The following LOC128092252 variants were observed in gnomAD, a reference collection of about 807,000 sequenced individuals.
the LOC128092252 span, among the ~76,000 whole-genome samples, chr15:50,659,602 T>C: frequency 1.3e-5 from 2 of 152,250 alleles, no homozygotes; most frequent in Non-Finnish European, 2.9e-5. Flanking sequence ...TGAGTGCTTT[T>C]ATTATTTCTA....
the LOC128092252 span, among the ~76,000 whole-genome samples, chr15:50,651,248 T>G: frequency 1.3e-5 from 2 of 151,858 alleles, no homozygotes; most frequent in African/African-American, 4.8e-5. Flanking sequence ...CAGAAAACTA[T>G]CAATAAAATA....
the LOC128092252 span, chr15:50,657,733 T>C: frequency 6.5e-7 from 1 of 1,540,610 alleles, no homozygotes; most frequent in African/African-American, 1.4e-5. Context: ...AATAGATTAG[T>C]TTTATTTATT....
chr15:50,661,596 C>A, the LOC128092252 span, among the ~76,000 whole-genome samples: 1 of 152,000 alleles, frequency 6.6e-6, no homozygotes, highest in Admixed American at 6.6e-5. Context: ...TGCTATTCAA[C>A]AAATATTTAC....
chr15:50,660,283 T>C, the LOC128092252 span, among the ~76,000 whole-genome samples: 13 of 152,056 alleles, frequency 8.5e-5, no homozygotes, highest in South Asian at 2.1e-4. Context: ...TATTAAAAAA[T>C]TGAGGGATAT....
At chr15:50,658,478 G>C in the LOC128092252 span, among the ~76,000 whole-genome samples, 16 of 151,768 alleles carry the variant, frequency 1.1e-4, no homozygotes, top group Non-Finnish European at 2.1e-4. Context: ...GCTGAGGTGG[G>C]AGGATTCCTT....
the LOC128092252 span, among the ~76,000 whole-genome samples, chr15:50,670,307 G>A: frequency 2.1e-3 from 312 of 152,176 alleles, 9 homozygotes; most frequent in East Asian, 0.038. Flanking sequence ...GTAAAATAAG[G>A]CTGAGACCTG....
At chr15:50,679,537 T>TTATATATATGTGTATATATATA in the LOC128092252 span, among the ~76,000 whole-genome samples, 4 of 31,556 alleles carry the variant, frequency 1.3e-4, no homozygotes, top group African/African-American at 3.8e-4. Flanking sequence ...TATATATATA[T>TTATATATATGTGTATATATATA]ATTTTTTTTT....
At chr15:50,674,722 C>T in the LOC128092252 span, among the ~76,000 whole-genome samples, 3 of 152,106 alleles carry the variant, frequency 2.0e-5, no homozygotes, top group East Asian at 5.8e-4. Context: ...TAACACAGGT[C>T]TAGTCTCTGA....
At chr15:50,649,631 A>G in the LOC128092252 span, among the ~76,000 whole-genome samples, 6 of 152,312 alleles carry the variant, frequency 3.9e-5, no homozygotes, top group South Asian at 1.2e-3. Context: ...ACTAATCTAT[A>G]TAGTGACAAA....
chr15:50,675,490 G>A, the LOC128092252 span, among the ~76,000 whole-genome samples: 1 of 151,818 alleles, frequency 6.6e-6, no homozygotes, highest in Admixed American at 6.6e-5. Flanking sequence ...CATCATTTAC[G>A]GCCTTCACTT....
At chr15:50,677,149 G>T in the LOC128092252 span, among the ~76,000 whole-genome samples, 1 of 152,174 alleles carries the variant, frequency 6.6e-6, no homozygotes, top group Non-Finnish European at 1.5e-5. Flanking sequence ...AGGAGGGCCA[G>T]TGTCTGATGA....
At chr15:50,655,260 C>G in the LOC128092252 span, among the ~76,000 whole-genome samples, 2 of 151,364 alleles carry the variant, frequency 1.3e-5, no homozygotes, top group East Asian at 3.9e-4. Context: ...AAGGTAAAAT[C>G]CCATCTCTAC....
At chr15:50,659,637 A>G in the LOC128092252 span, among the ~76,000 whole-genome samples, 2 of 151,972 alleles carry the variant, frequency 1.3e-5, no homozygotes, top group African/African-American at 4.8e-5. Flanking sequence ...TAATAAAACT[A>G]TAGAAAATAA....
the LOC128092252 span, among the ~76,000 whole-genome samples, chr15:50,675,436 G>A: frequency 6.6e-6 from 1 of 151,456 alleles, no homozygotes; most frequent in East Asian, 1.9e-4. Context: ...TTCTGTTTAT[G>A]TAACAGCCAA....
At chr15:50,658,937 G>T in the LOC128092252 span, among the ~76,000 whole-genome samples, 3 of 152,154 alleles carry the variant, frequency 2.0e-5, no homozygotes, top group Non-Finnish European at 4.4e-5. Context: ...AGTGGCTCAC[G>T]CCTGTAATGC....
At chr15:50,674,168 T>C in the LOC128092252 span, among the ~76,000 whole-genome samples, 1 of 152,146 alleles carries the variant, frequency 6.6e-6, no homozygotes, top group Non-Finnish European at 1.5e-5. Flanking sequence ...TTTGTATTTT[T>C]AGTAGAGATG....
At chr15:50,650,206 A>C in the LOC128092252 span, among the ~76,000 whole-genome samples, 1 of 150,160 alleles carries the variant, frequency 6.7e-6, no homozygotes, top group East Asian at 2.0e-4. Context: ...AAAAAAAAAA[A>C]AAAAAAAAAA....
the LOC128092252 span, among the ~76,000 whole-genome samples, chr15:50,660,620 G>A: frequency 6.6e-6 from 1 of 152,100 alleles, no homozygotes. Flanking sequence ...CAAAGTGCTG[G>A]AATTACAGGC....
the LOC128092252 span, among the ~76,000 whole-genome samples, chr15:50,680,002 G>A: frequency 6.6e-6 from 1 of 150,482 alleles, no homozygotes; most frequent in Admixed American, 6.6e-5. Context: ...GGGGGGCCAA[G>A]GTGGGTGGAT....
Sources: gnomAD v4.1 joint callset for allele counts (sites outside exome capture counted in the v4.1 genomes callset) on GRCh38, gnomAD v4.1.1 for gene constraint, MANE v1.5 for transcripts.